The following OCIAD1 variants were observed in gnomAD, a reference collection of about 807,000 sequenced individuals.
The protein encoded by OCIAD1 is OCIA domain-containing protein 1.
OCIAD1 carries 29 observed loss-of-function variants against 38.9 expected under a neutral mutation model. The observed-to-expected ratio is 0.74, with a 90% CI of 0.55 to 1.02. The LOEUF is 1.02. Among genes scored for constraint, OCIAD1 ranks in the 50% least tolerant of loss-of-function variants. The pLI, the probability that OCIAD1 is intolerant of heterozygous loss-of-function variation, is 0.00. For missense variants in OCIAD1, 288 were observed against 289.6 expected (o/e 0.99, Z 0.04); for synonymous variants, 110 against 92.0 (o/e 1.20, Z -1.12).
rs756245681 is a variant in OCIAD1 at position 48,842,676 on chromosome 4, A to T, written c.180A>T (p.Gly60=). 2.2e-5 allele frequency: 34 copies of T among 1,548,120 alleles called. No homozygotes were observed. In the Admixed American group the frequency reaches 4.1e-4, roughly 19 times the overall value. ...LAATSMLITQ[G]LISKGILSSH... is the part of the protein sequence containing the mutation. ...CAACAAGTATGTTGATTACTCAAGG[A>T]TTAATTAGTAAAGGTAAATATTTAA... Residue 60 remains glycine (G), a synonymous_variant, in exon 4 of 9, where the codon GGA becomes GGT. Coordinates refer to ENST00000264312, the MANE Select transcript of OCIAD1 (RefSeq NM_017830.4).
intron 4 of OCIAD1, among the ~76,000 whole-genome samples, chr4:48,844,870 A>G (rs527594154): frequency 3.2e-4 from 49 of 152,288 alleles, no homozygotes; most frequent in African/African-American, 1.1e-3. Context: ...AATACCTAAG[A>G]CTATGTAAAC....
At chr4:48,821,542 C>T (rs922761900) in intron 1 of OCIAD1, among the ~76,000 whole-genome samples, 30 of 152,068 alleles carry the variant, frequency 2.0e-4, no homozygotes, top group African/African-American at 6.8e-4. Context: ...GAAGTTCTGG[C>T]CAGGGCAATC....
At chr4:48,826,801 C>A (rs1377392996), upstream of OCIAD1, among the ~76,000 whole-genome samples, 1 of 152,226 alleles carries the variant, frequency 6.6e-6, no homozygotes, top group Non-Finnish European at 1.5e-5. Context: ...TTTCTCTAAA[C>A]AGCTAAACTT....
chr4:48,841,187 A>G (rs920630093), intron 3 of OCIAD1, among the ~76,000 whole-genome samples: 2 of 152,168 alleles, frequency 1.3e-5, no homozygotes, highest in Non-Finnish European at 2.9e-5. Context: ...TAAAACGGCA[A>G]TTGAGTAACT....
intron 1 of OCIAD1, among the ~76,000 whole-genome samples, chr4:48,809,476 A>G (rs1392191455): frequency 6.6e-6 from 1 of 152,152 alleles, no homozygotes; most frequent in African/African-American, 2.4e-5. Context: ...CGGTGAGTCA[A>G]GATTGCGCCA....
intron 2 of OCIAD1, 47 bp downstream of exon 2, chr4:48,832,729 A>G (rs1017487224): frequency 7.0e-7 from 1 of 1,422,218 alleles, no homozygotes; most frequent in Non-Finnish European, 9.9e-7. Flanking sequence ...TCCTATGTAA[A>G]GGAATTTTCA....
chr4:48,815,679 C>T (rs1284120059), intron 1 of OCIAD1, among the ~76,000 whole-genome samples: 1 of 152,216 alleles, frequency 6.6e-6, no homozygotes, highest in Admixed American at 6.5e-5. Flanking sequence ...TCTCAAATCT[C>T]TACTCCACTG....
chr4:48,849,455 T>C (rs376055497), intron 5 of OCIAD1, among the ~76,000 whole-genome samples: 1 of 152,192 alleles, frequency 6.6e-6, no homozygotes, highest in South Asian at 2.1e-4. Context: ...TGGTTCGTAA[T>C]TTATTACTTT....
At chr4:48,831,968 T>C (rs1382135359) in intron 1 of OCIAD1, among the ~76,000 whole-genome samples, 1 of 152,206 alleles carries the variant, frequency 6.6e-6, no homozygotes, top group Non-Finnish European at 1.5e-5. Context: ...TGAGTCCCAA[T>C]ATATGAGTTT....
chr4:48,817,055 G>A (rs1359933265), intron 1 of OCIAD1, among the ~76,000 whole-genome samples: 1 of 152,216 alleles, frequency 6.6e-6, no homozygotes, highest in Admixed American at 6.5e-5. Context: ...CAACGCAGAA[G>A]GTGGTTGATT....
chr4:48,837,088 C>T (rs1334799152), intron 3 of OCIAD1: 1 of 152,188 alleles, frequency 6.6e-6, no homozygotes, highest in South Asian at 2.1e-4. Context: ...TCTCCTGCCT[C>T]AGCCTCCCGA....
chr4:48,841,093 CAT>C (rs1300501843), intron 3 of OCIAD1, among the ~76,000 whole-genome samples: 3 of 152,258 alleles, frequency 2.0e-5, no homozygotes, highest in African/African-American at 7.2e-5. Flanking sequence ...ACATGAAATT[CAT>C]ATGTTTGCAT....
At chr4:48,814,191 A>G (rs1437022669) in intron 1 of OCIAD1, among the ~76,000 whole-genome samples, 1 of 151,174 alleles carries the variant, frequency 6.6e-6, no homozygotes. Flanking sequence ...TCTCGGTTTG[A>G]TTGACAGCAT....
chr4:48,806,980 C>T (rs934702139), intron 1 of OCIAD1, among the ~76,000 whole-genome samples: 30 of 150,498 alleles, frequency 2.0e-4, no homozygotes, highest in African/African-American at 6.4e-4. Context: ...CACAGCTCAC[C>T]GCAGCCTCAA....
At chr4:48,807,576 A>C (rs1257800473) in intron 1 of OCIAD1, among the ~76,000 whole-genome samples, 1 of 152,204 alleles carries the variant, frequency 6.6e-6, no homozygotes, top group African/African-American at 2.4e-5. Flanking sequence ...TTAGGCATTA[A>C]TATTAATTCC....
intron 1 of OCIAD1, among the ~76,000 whole-genome samples, chr4:48,809,908 A>G (rs936955441): frequency 6.6e-6 from 1 of 152,190 alleles, no homozygotes; most frequent in Non-Finnish European, 1.5e-5. Flanking sequence ...GTACTTAACT[A>G]TATGAGTTCC....
chr4:48,814,902 T>A (rs1490921866), intron 1 of OCIAD1, among the ~76,000 whole-genome samples: 3 of 152,240 alleles, frequency 2.0e-5, no homozygotes, highest in Non-Finnish European at 4.4e-5. Context: ...ATTTTATTGA[T>A]GCTTCTCTTC....
chr4:48,837,061 T>C (rs1201355808), intron 3 of OCIAD1: 1 of 152,158 alleles, frequency 6.6e-6, no homozygotes, highest in Non-Finnish European at 1.5e-5. Flanking sequence ...AAGCTCCGCC[T>C]CCTGGGTTCA....
At chr4:48,838,089 A>C (rs1403716837) in intron 3 of OCIAD1, among the ~76,000 whole-genome samples, 2 of 152,122 alleles carry the variant, frequency 1.3e-5, no homozygotes, top group Non-Finnish European at 2.9e-5. Context: ...AGGCTGAGGC[A>C]GGCAGATCAC....
Sources: gnomAD v4.1 joint callset for allele counts (sites outside exome capture counted in the v4.1 genomes callset) on GRCh38, gnomAD v4.1.1 for gene constraint, MANE v1.5 for transcripts, NCBI Gene and HGNC (gene_info 2026-07-23, HGNC 2026-07-21) for gene names.